LDAF1: variants seen among roughly 807,000 people sequenced by gnomAD.
LDAF1 encodes lipid droplet assembly factor 1, also known as PROMETHIN.
In LDAF1, 7 loss-of-function variants were observed where a neutral mutation model predicts 13.5. That is an observed-to-expected ratio of 0.52 (90% CI 0.29 to 0.97). The LOEUF is 0.97. Among genes scored for constraint, LDAF1 ranks in the 50% least tolerant of loss-of-function variants. The pLI, the probability that LDAF1 is intolerant of heterozygous loss-of-function variation, is 0.07. For synonymous variants in LDAF1, 69 were observed against 77.1 expected (o/e 0.89, Z 0.55); for missense variants, 148 against 193.2 (o/e 0.77, Z 1.39).
intron 4 of LDAF1, among the ~76,000 whole-genome samples, chr16:21,174,485 C>A (rs2093121892): frequency 1.3e-5 from 2 of 152,022 alleles, no homozygotes; most frequent in Non-Finnish European, 2.9e-5. Flanking sequence ...GCATGAGCCA[C>A]CACACCTTGC....
intron 3 of LDAF1, among the ~76,000 whole-genome samples, chr16:21,173,016 C>G (rs1477237518): frequency 6.6e-6 from 1 of 152,124 alleles, no homozygotes; most frequent in African/African-American, 2.4e-5. Context: ...TCTTTTCCCC[C>G]CCACAGGCCC....
intron 3 of LDAF1, among the ~76,000 whole-genome samples, chr16:21,173,017 C>G (rs1036969732): frequency 6.6e-6 from 1 of 152,122 alleles, no homozygotes; most frequent in Admixed American, 6.5e-5. Context: ...CTTTTCCCCC[C>G]CACAGGCCCC....
chr16:21,170,396 G>A (rs760877663), intron 2 of LDAF1, 41 bp from the exon 3 acceptor site: 53 of 1,610,510 alleles, frequency 3.3e-5, no homozygotes, highest in African/African-American at 5.3e-5. Context: ...CTGGGGTTCC[G>A]ATGTGTTACT....
intron 1 of LDAF1, chr16:21,159,435 C>A: frequency 6.2e-7 from 1 of 1,613,836 alleles, no homozygotes; most frequent in South Asian, 1.1e-5. Context: ...CGCCCTGTAG[C>A]TCCCATCCCC....
rs1442279386 is a variant in LDAF1, at chr16:21,161,958, G to C, written c.96+680G>C. ...GGATCACTTGAGATCAGAAGTTCGA[G>C]ATCAGCCTGGCGAACATGGTAAAAC... On this transcript the variant is annotated intron_variant, in intron 2 of 4. Coordinates refer to ENST00000233047, the MANE Select transcript of LDAF1 (RefSeq NM_001301771.2). 2.0e-5 allele frequency among the ~76,000 whole-genome samples: 3 copies of C among 152,176 alleles called. No homozygotes were observed. In the East Asian group the frequency reaches 5.8e-4, roughly 29 times the overall value.
chr16:21,173,021 A>G (rs1219193519), intron 3 of LDAF1, among the ~76,000 whole-genome samples: 1 of 152,078 alleles, frequency 6.6e-6, no homozygotes, highest in Non-Finnish European at 1.5e-5. Flanking sequence ...TCCCCCCCAC[A>G]GGCCCCACAT....
intron 3 of LDAF1, chr16:21,172,662 T>A (rs2093100754): frequency 6.4e-6 from 1 of 157,144 alleles, no homozygotes; most frequent in African/African-American, 2.4e-5. Context: ...AATGCAGACT[T>A]CCAGGCCTCA....
At chr16:21,166,888 A>G in intron 2 of LDAF1, 1 of 1,535,720 alleles carries the variant, frequency 6.5e-7, no homozygotes, top group Non-Finnish European at 8.7e-7. Context: ...TGGAGTGTCC[A>G]GGCTGGGCAG....
At chr16:21,168,788 A>ATAAATATAATTATATTTTTATATAAAAT (rs2093053400) in intron 2 of LDAF1, among the ~76,000 whole-genome samples, 1 of 130,856 alleles carries the variant, frequency 7.6e-6, no homozygotes, top group Non-Finnish European at 1.5e-5. Context: ...TTATATTTTT[A>ATAAATATAATTATATTTTTATATAAAAT]TAAATATAAT....
rs994907376 is a variant in LDAF1 at position 21,174,017 on chromosome 16, C to T, written c.273C>T (p.Val91=). 4 of 1,612,846 alleles carry T rather than the reference C, an allele frequency of 2.5e-6. No homozygotes were observed. The highest frequency in any genetic ancestry group is 3.4e-6 in the Non-Finnish European group (4 of 1,179,590). ...ACCACGTTCTCCTCCTAGGATTGGT[C>T]ATCTCTGTGGGTGGCTTCTCACTGC... is the stretch of plus-strand genomic sequence containing the variant. The part of the protein sequence containing the change: ...LLGVIILEGL[V]ISVGGFSLLC... Residue 91 remains valine (V), a synonymous_variant, in exon 4 of 5, where the codon GTC becomes GTT. Coordinates refer to ENST00000233047, the MANE Select transcript of LDAF1 (RefSeq NM_001301771.2).
Position 21,168,475 on chromosome 16 carries a change from TTAATAATGCTTTTAA to T in LDAF1, c.97-1942_97-1928del, listed in dbSNP as rs1454231958. On this transcript the variant is annotated intron_variant, in intron 2 of 4. Coordinates refer to ENST00000233047, the MANE Select transcript of LDAF1 (RefSeq NM_001301771.2). ...TAGACAAGTGATTAGCTTTTAATGC[TTAATAATGCTTTTAA>T]TAATAATGCTTTTAATAATTATAAT... 4.9e-3 allele frequency among the ~76,000 whole-genome samples: 733 copies of T among 149,096 alleles called. 5 individuals carry two copies. Among genetic ancestry groups the T allele is most frequent in the African/African-American group, 0.016 (665 of 40,830 alleles).
In LDAF1 at chr16:21,180,573, C is replaced by T. The variant is rs1190492467; in HGVS notation, c.*1017C>T. 6.6e-6 allele frequency: 1 copy of T among 152,126 alleles called. No individual in the cohort carries two copies. Among genetic ancestry groups the T allele is most frequent in the African/African-American group, 2.4e-5 (1 of 41,408 alleles). 9.4% of individuals were successfully genotyped at this position (152,126 alleles called of 1,614,324 possible). Reference sequence around the variant, plus strand: ...TTCTTAAAATAAAAATGCTAAAGGACTAGTAAGTAAAAATAAAACTTCCTA... The same window carrying T: ...TTCTTAAAATAAAAATGCTAAAGGATTAGTAAGTAAAAATAAAACTTCCTA... On this transcript the variant is annotated 3_prime_UTR_variant, in exon 5 of 5. Coordinates refer to ENST00000233047, the MANE Select transcript of LDAF1 (RefSeq NM_001301771.2).
In LDAF1 at chr16:21,179,773, G is replaced by A; in HGVS notation, c.*217G>A. On this transcript the variant is annotated 3_prime_UTR_variant, in exon 5 of 5. Transcript: ENST00000233047. ...AAAGAAGCAGCAGAGAAATGCGATG[G>A]TTCAACAGCTCGCCCTGCCCCAAGT... 3.9e-6 allele frequency: 2 copies of A among 511,944 alleles called. No homozygotes were observed. Among genetic ancestry groups the A allele is most frequent in the East Asian group, 3.5e-5 (1 of 28,328 alleles). 31.7% of individuals were successfully genotyped at this position (511,944 alleles called of 1,614,324 possible). A position where few individuals can be genotyped will look rare whatever the true frequency, so the allele number is the denominator to read the frequency against.
chr16:21,160,024 A>G, intron 1 of LDAF1: 1 of 946,600 alleles, frequency 1.1e-6, no homozygotes, highest in Non-Finnish European at 1.3e-6. Context: ...GTAGCAGAGG[A>G]TGTCTAGCTG....
intron 4 of LDAF1, 95 bp from the exon 5 acceptor site, chr16:21,179,380 A>G: frequency 6.2e-7 from 1 of 1,606,312 alleles, no homozygotes; most frequent in South Asian, 1.1e-5. Context: ...GCTAAAAATC[A>G]GGAAAAAGAA....
chr16:21,170,107 A>G (rs993342884), intron 2 of LDAF1: 2 of 158,564 alleles, frequency 1.3e-5, no homozygotes, highest in African/African-American at 4.8e-5. Context: ...GGTTCAAGCA[A>G]TTCTCCTGCC....
chr16:21,168,963 ATATAT>A (rs71935186), intron 2 of LDAF1, among the ~76,000 whole-genome samples: 25,309 of 122,352 alleles, frequency 0.21, 2,503 homozygotes, highest in South Asian at 0.32. Context: ...ATATAATATA[ATATAT>A]TATATTATAT....
intron 3 of LDAF1, 64 bp downstream of exon 3, chr16:21,170,669 G>A: frequency 3.1e-6 from 5 of 1,601,194 alleles, no homozygotes; most frequent in South Asian, 1.1e-5. Context: ...TACTTTTGGG[G>A]CCATTTAAAA....
rs115063551 is a variant in LDAF1 at position 21,169,485 on chromosome 16, T to G, written c.97-952T>G. On this transcript the variant is annotated intron_variant, in intron 2 of 4. Transcript: ENST00000233047. The stretch of plus-strand genomic sequence containing the variant: ...TGCTATGCCAAGCTAGTTTTTAAAT[T>G]TTTTGTAGAGATGGAATCTTGCTGT... 8.5e-3 allele frequency among the ~76,000 whole-genome samples: 1,292 copies of G among 152,150 alleles called. 27 individuals carry two copies. The highest frequency in any genetic ancestry group is 0.03 in the African/African-American group (1,238 of 41,500).
Sources: allele counts gnomAD v4.1 joint callset (sites outside exome capture counted in the v4.1 genomes callset), GRCh38; gene constraint gnomAD v4.1.1; transcripts MANE v1.5; gene names NCBI Gene and HGNC (gene_info 2026-07-23, HGNC 2026-07-21).